POSTN: variants seen among roughly 807,000 people sequenced by gnomAD.
POSTN encodes the protein osteoblast specific factor 2 (fasciclin I-like).
A neutral mutation model predicts 104.5 loss-of-function variants in POSTN; 71 were observed. The observed-to-expected ratio is 0.68, with a 90% CI of 0.56 to 0.83. The LOEUF (loss-of-function observed/expected upper bound fraction) is 0.83, where lower values mean the gene tolerates loss of function less well. Ranked by LOEUF, POSTN falls within the 40% of genes least tolerant of loss-of-function variation. The pLI, the probability that POSTN is intolerant of heterozygous loss-of-function variation, is 0.00. For synonymous variants in POSTN, 355 were observed against 340.7 expected, an observed-to-expected ratio of 1.04 and a Z score of -0.46; for missense variants, 949 against 1,006.8, an observed-to-expected ratio of 0.94 and a Z score of 0.78.
chr13:37,582,418 T>C lies in POSTN; in HGVS notation c.1340A>G (p.Gln447Arg). The change falls in exon 10 of 23, where the codon CAA becomes CGA. Residue 447 changes from glutamine (Q) to arginine (R), a missense_variant. By Grantham distance (43) the Gln-to-Arg change is conservative. Transcript: ENST00000379747. The part of the protein sequence containing the change: ...KVGLNELYNG[Q>R]ILETIGGKQL... ...TTTGCCTCCGATGGTTTCCAGTATTTGCCCGTTGTAAAGCTCATTAAGGCC... is the reference window on the plus strand; with the variant it reads ...TTTGCCTCCGATGGTTTCCAGTATTCGCCCGTTGTAAAGCTCATTAAGGCC... 1.2e-6 allele frequency: 2 copies of C among 1,614,002 alleles called. No individual in the cohort carries two copies. The highest frequency in any genetic ancestry group is 8.5e-7 in the Non-Finnish European group (1 of 1,179,938).
rs906750028 is a variant in POSTN at position 37,591,221 on chromosome 13, A to T, written c.284-692T>A. On this transcript the variant is annotated intron_variant, in intron 3 of 22. Transcript: ENST00000379747. ...GTCAAAATGAACAAGGTTAAATTTAACAAGGTTCCATGTAATTCCTATGCC... is the reference window on the plus strand; with the variant it reads ...GTCAAAATGAACAAGGTTAAATTTATCAAGGTTCCATGTAATTCCTATGCC... Among the ~76,000 whole-genome samples, 3 of 152,196 alleles carry T rather than the reference A, an allele frequency of 2.0e-5. No individual in the cohort carries two copies. The East Asian group carries it at 5.8e-4, about 29-fold the overall frequency.
At chr13:37,565,317 T>C (rs1232856191) in intron 21 of POSTN, 2 of 152,026 alleles carry the variant, frequency 1.3e-5, no homozygotes, top group African/African-American at 4.8e-5. Flanking sequence ...CGGCCTAAAT[T>C]CACATTTTCA....
chr13:37,569,123 C>A (rs1432361481), intron 21 of POSTN, 177 bp downstream of exon 21: 1 of 466,840 alleles, frequency 2.1e-6, no homozygotes, highest in Non-Finnish European at 3.8e-6. Flanking sequence ...AACTAGTAAT[C>A]ATTTCTTCAT....
intron 10 of POSTN, among the ~76,000 whole-genome samples, chr13:37,581,431 A>T (rs887276342): frequency 1.3e-5 from 2 of 152,184 alleles, no homozygotes; most frequent in African/African-American, 4.8e-5. Flanking sequence ...AGCAAAATGT[A>T]TGTTAGGGCT....
At chr13:37,591,300 A>T (rs1021381919) in intron 3 of POSTN, among the ~76,000 whole-genome samples, 1 of 152,330 alleles carries the variant, frequency 6.6e-6, no homozygotes, top group Middle Eastern at 3.4e-3. Context: ...ATGTAAAAAA[A>T]ACTGTAATCA....
intron 5 of POSTN, 86 bp downstream of exon 5, chr13:37,587,736 T>G: frequency 9.1e-7 from 1 of 1,094,574 alleles, no homozygotes; most frequent in African/African-American, 1.6e-5. Flanking sequence ...TAACATTTTA[T>G]TATTTTTGTG....
At chr13:37,569,860 A>G in intron 19 of POSTN, 39 bp from the exon 20 acceptor site, 1 of 1,350,970 alleles carries the variant, frequency 7.4e-7, no homozygotes, top group Non-Finnish European at 1.1e-6. Flanking sequence ...AAACAGAAGT[A>G]GGCAAACTTC....
At chr13:37,578,772 C>T in intron 15 of POSTN, 72 bp downstream of exon 15, 1 of 1,296,604 alleles carries the variant, frequency 7.7e-7, no homozygotes, top group Non-Finnish European at 1.0e-6. Flanking sequence ...GCACTACAGC[C>T]TGGGCGACAA....
chr13:37,577,438 A>G (rs1476779391), intron 16 of POSTN, among the ~76,000 whole-genome samples: 2 of 152,228 alleles, frequency 1.3e-5, no homozygotes, highest in East Asian at 3.9e-4. Context: ...ATTTTTAGAT[A>G]TTTCTAGAGG....
At chr13:37,587,752 TA>T in intron 5 of POSTN, 69 bp downstream of exon 5, 1 of 1,201,424 alleles carries the variant, frequency 8.3e-7, no homozygotes, top group East Asian at 2.5e-5. Context: ...TTGTGAGCAT[TA>T]TATAAAAAGT....
At position 37,567,235 on chromosome 13, in the gene POSTN, C is replaced by CAAAAAAAAA. The variant is rs71093694; in HGVS notation, c.2431+2056_2431+2064dup. On this transcript the variant is annotated intron_variant, in intron 21 of 22. Transcript: ENST00000379747. ...TGGGCGACAGAGCGAGACTCCGTCT[C>CAAAAAAAAA]AAAAAAAAAAAAAAAAAATGTACTA... Among the ~76,000 whole-genome samples, 20 of 36,914 alleles carry CAAAAAAAAA rather than the reference C, an allele frequency of 5.4e-4. 1 individual carries two copies. The highest frequency in any genetic ancestry group is 2.0e-3 in the African/African-American group (15 of 7,522). The allele number at this position is 36,914 out of a possible 152,430, so 24.2% of individuals were successfully genotyped here.
At chr13:37,594,503 G>A (rs1951030380) in intron 2 of POSTN, among the ~76,000 whole-genome samples, 1 of 119,078 alleles carries the variant, frequency 8.4e-6, no homozygotes, top group African/African-American at 3.1e-5. Context: ...GTTCCCATAT[G>A]GTCAGTAGGG....
intron 14 of POSTN, 44 bp from the exon 15 acceptor site, chr13:37,578,955 A>T (rs778556086): frequency 8.8e-6 from 14 of 1,595,144 alleles, no homozygotes; most frequent in African/African-American, 1.4e-5. Context: ...GAAAGCATAA[A>T]ATAAAAATCG....
chr13:37,589,112 A>G (rs1295975688), intron 4 of POSTN, among the ~76,000 whole-genome samples: 1 of 152,168 alleles, frequency 6.6e-6, no homozygotes, highest in African/African-American at 2.4e-5. Context: ...AGAAAATTGC[A>G]TATGTTTTAG....
chr13:37,573,302 A>G (rs1257768216), intron 17 of POSTN, among the ~76,000 whole-genome samples: 1 of 151,514 alleles, frequency 6.6e-6, no homozygotes, highest in Admixed American at 6.6e-5. Flanking sequence ...TGATCAAGGA[A>G]CATTTTTTCA....
Position 37,571,775 on chromosome 13 carries a change from C to A in POSTN, c.2090-317G>T, listed in dbSNP as rs1950268693. On this transcript the variant is annotated intron_variant, in intron 17 of 22. Transcript: ENST00000379747. ...AAATATTATATGTGGCTACACTTTG[C>A]AGATCATGCAGTATGTACACATTTG... is the stretch of plus-strand genomic sequence containing the variant. 2.0e-5 allele frequency among the ~76,000 whole-genome samples: 3 copies of A among 151,664 alleles called. No homozygotes were observed. In the South Asian group the frequency reaches 6.2e-4, roughly 31 times the overall value.
chr13:37,580,115 CAT>C (rs1950535477), intron 11 of POSTN, 124 bp from the exon 12 acceptor site: 2 of 888,540 alleles, frequency 2.3e-6, no homozygotes, highest in Non-Finnish European at 3.4e-6. Context: ...CATACATTTT[CAT>C]ATGTTTCGAA....
At chr13:37,595,030 C>T (rs1196095408) in intron 2 of POSTN, among the ~76,000 whole-genome samples, 1 of 145,464 alleles carries the variant, frequency 6.9e-6, no homozygotes, top group Admixed American at 7.1e-5. Context: ...AAAAAAAAGC[C>T]AGGCTTCAAA....
At position 37,579,223 on chromosome 13, in the gene POSTN, A is replaced by G. The variant is rs183801696; in HGVS notation, c.1791+6T>C. The G allele has an allele frequency of 1.2e-4, 199 of 1,610,250 alleles. 1 individual carries two copies. The African/African-American group carries it at 2.5e-3, about 20-fold the overall frequency. On this transcript the variant is annotated splice_donor_region_variant and intron_variant, in intron 13 of 22. Coordinates refer to ENST00000379747, the MANE Select transcript of POSTN (RefSeq NM_006475.3). ...CACTATCATAAATTCATTCTAGACAACTTACTTCTTTCAGAAAGATTTTGC... is the reference window on the plus strand; with the variant it reads ...CACTATCATAAATTCATTCTAGACAGCTTACTTCTTTCAGAAAGATTTTGC...
Sources: allele counts gnomAD v4.1 joint callset (sites outside exome capture counted in the v4.1 genomes callset), GRCh38; gene constraint gnomAD v4.1.1; transcripts MANE v1.5; gene names NCBI Gene and HGNC (gene_info 2026-07-23, HGNC 2026-07-21).